DOK5: variants seen among roughly 807,000 people sequenced by gnomAD.
DOK5 encodes docking protein 5, also known as downstream of tyrosine kinase 5.
A neutral mutation model predicts 43.3 loss-of-function variants in DOK5; 27 were observed. That is an observed-to-expected ratio of 0.62 (90% confidence interval 0.46 to 0.86). The LOEUF is 0.86. Ranked by LOEUF, DOK5 falls within the 40% of genes least tolerant of loss-of-function variation. The probability of loss-of-function intolerance (pLI) is 0.00; values close to 1 mark genes in which losing one functional copy is unlikely to be tolerated. For synonymous variants in DOK5, 146 were observed against 140.1 expected (o/e 1.04, Z -0.30); for missense variants, 373 against 392.9 (o/e 0.95, Z 0.43).
chr20:54,489,899 A>T (rs1982100033), intron 1 of DOK5, among the ~76,000 whole-genome samples: 1 of 152,208 alleles, frequency 6.6e-6, no homozygotes, highest in South Asian at 2.1e-4. Flanking sequence ...ATTTCATGAA[A>T]GTTGCTTTGG....
intron 1 of DOK5, among the ~76,000 whole-genome samples, chr20:54,538,821 C>T (rs933580480): frequency 6.6e-6 from 1 of 152,142 alleles, no homozygotes; most frequent in Non-Finnish European, 1.5e-5. Context: ...ACCTAGATGT[C>T]CTTCAGTGAC....
chr20:54,560,902 G>T (rs1600702445), intron 2 of DOK5, among the ~76,000 whole-genome samples: 1 of 152,156 alleles, frequency 6.6e-6, no homozygotes, highest in Non-Finnish European at 1.5e-5. Flanking sequence ...GATTACAGGT[G>T]TGAGCCACCA....
chr20:54,542,090 A>G (rs1984179860), intron 1 of DOK5, among the ~76,000 whole-genome samples: 1 of 146,544 alleles, frequency 6.8e-6, no homozygotes, highest in Admixed American at 6.8e-5. Flanking sequence ...CATGAGACAT[A>G]TTATAAGATA....
chr20:54,588,621 G>T (rs140278053), intron 3 of DOK5, 24 bp downstream of exon 3: 1 of 1,614,012 alleles, frequency 6.2e-7, no homozygotes, highest in African/African-American at 1.3e-5. Flanking sequence ...AGGGCTGGGG[G>T]GCTTTTGCTT....
At chr20:54,624,092 C>T (rs74652998) in intron 6 of DOK5, among the ~76,000 whole-genome samples, 1,718 of 152,322 alleles carry the variant, frequency 0.011, 18 homozygotes, top group South Asian at 0.021. Context: ...CCCCTGTCTT[C>T]TGTGCAGCTC....
At chr20:54,586,651 T>C (rs1037081520) in intron 2 of DOK5, among the ~76,000 whole-genome samples, 11 of 152,156 alleles carry the variant, frequency 7.2e-5, no homozygotes, top group Middle Eastern at 3.4e-3. Flanking sequence ...TAGGACATCA[T>C]TGGATGGTGT....
chr20:54,629,681 G>C (rs1568819474), intron 6 of DOK5, among the ~76,000 whole-genome samples: 1 of 152,182 alleles, frequency 6.6e-6, no homozygotes, highest in Non-Finnish European at 1.5e-5. Context: ...GCTGTGGGTG[G>C]AGAAGACAAT....
chr20:54,553,055 A>G (rs6098083), intron 1 of DOK5, among the ~76,000 whole-genome samples: 3,084 of 152,336 alleles, frequency 0.02, 102 homozygotes, highest in African/African-American at 0.07. Flanking sequence ...ATTTATTTAT[A>G]GGTCAAATAT....
intron 2 of DOK5, among the ~76,000 whole-genome samples, chr20:54,572,594 T>A (rs1278970091): frequency 2.0e-5 from 3 of 152,220 alleles, no homozygotes; most frequent in African/African-American, 7.2e-5. Context: ...AAAATTAATG[T>A]CAGCCACTGC....
At position 54,648,259 on chromosome 20, in the gene DOK5, A is replaced by G. The variant is rs1280668791; in HGVS notation, c.857-2156A>G. On this transcript the variant is annotated intron_variant, in intron 7 of 7. Transcript: ENST00000262593. ...TTTAGGCCAAGCGCTGTGCTAGATGACAGACATACCTGGGACTCCTAGGCA... is the reference window on the plus strand; with the variant it reads ...TTTAGGCCAAGCGCTGTGCTAGATGGCAGACATACCTGGGACTCCTAGGCA... Among the ~76,000 whole-genome samples, 11 of 152,270 alleles carry G rather than the reference A, an allele frequency of 7.2e-5. No individual in the cohort carries two copies. The South Asian group carries it at 1.2e-3, about 17-fold the overall frequency.
At chr20:54,645,622 G>C (rs922632851) in intron 7 of DOK5, among the ~76,000 whole-genome samples, 4 of 152,034 alleles carry the variant, frequency 2.6e-5, no homozygotes, top group African/African-American at 7.2e-5. Flanking sequence ...TCTTGTAACT[G>C]GAGTGGACAT....
At position 54,557,785 on chromosome 20, in the gene DOK5, C is replaced by T. The variant is rs116951041; in HGVS notation, c.174+2745C>T. Among the ~76,000 whole-genome samples the T allele has an allele frequency of 2.5e-3, 374 of 152,326 alleles. 1 individual carries two copies. The highest frequency in any genetic ancestry group is 4.0e-3 in the Non-Finnish European group (270 of 68,038). On this transcript the variant is annotated intron_variant, in intron 2 of 7. Coordinates refer to ENST00000262593, the MANE Select transcript of DOK5 (RefSeq NM_018431.5). ...TCCTCTAAGAGAGGCCATTTCTTGA[C>T]TCCCTTGTTGGAAATAGAACCCACC... is the stretch of plus-strand genomic sequence containing the variant.
intron 5 of DOK5, among the ~76,000 whole-genome samples, chr20:54,607,881 TAAAACAAAACAAAACAAAAC>T (rs146059505): frequency 3.3e-4 from 41 of 122,518 alleles, no homozygotes; most frequent in African/African-American, 1.7e-3. Flanking sequence ...AGACTCCATC[TAAAACAAAACAAAACAAAAC>T]AAAACAAAAC....
chr20:54,527,424 C>T (rs925260208), intron 1 of DOK5, among the ~76,000 whole-genome samples: 7 of 152,308 alleles, frequency 4.6e-5, no homozygotes, highest in African/African-American at 1.7e-4. Flanking sequence ...CAGCTCGCTG[C>T]TTTCACAGAA....
At chr20:54,562,991 T>C (rs1225726675) in intron 2 of DOK5, among the ~76,000 whole-genome samples, 2 of 152,166 alleles carry the variant, frequency 1.3e-5, no homozygotes, top group South Asian at 2.1e-4. Context: ...CCCAGTCCCA[T>C]AGCTGGTACC....
intron 1 of DOK5, among the ~76,000 whole-genome samples, chr20:54,488,011 T>C (rs1195649890): frequency 6.6e-6 from 1 of 152,210 alleles, no homozygotes; most frequent in Non-Finnish European, 1.5e-5. Context: ...GAAATTTATT[T>C]TCCAAACTTT....
chr20:54,623,205 C>T (rs1319158018), intron 6 of DOK5, among the ~76,000 whole-genome samples: 1 of 152,158 alleles, frequency 6.6e-6, no homozygotes, highest in Non-Finnish European at 1.5e-5. Context: ...CCATTGGCAT[C>T]TGGTGGATAG....
chr20:54,562,251 T>A (rs1243362540), intron 2 of DOK5, among the ~76,000 whole-genome samples: 1 of 152,312 alleles, frequency 6.6e-6, no homozygotes, highest in East Asian at 1.9e-4. Context: ...GGCCTACTTA[T>A]ACTAGTATTG....
intron 1 of DOK5, among the ~76,000 whole-genome samples, chr20:54,530,566 C>T (rs1431738414): frequency 6.6e-6 from 1 of 152,190 alleles, no homozygotes; most frequent in African/African-American, 2.4e-5. Context: ...CTTCCCATGA[C>T]CTGTCTTGCC....
Sources: allele counts gnomAD v4.1 joint callset (sites outside exome capture counted in the v4.1 genomes callset), GRCh38; gene constraint gnomAD v4.1.1; transcripts MANE v1.5; gene names NCBI Gene and HGNC (gene_info 2026-07-23, HGNC 2026-07-21).